The following FYN variants were observed in gnomAD, a reference collection of about 807,000 sequenced individuals.
FYN encodes the protein tyrosine-protein kinase Fyn.
Under a neutral mutation model 70.2 loss-of-function variants are expected in FYN, and 10 were observed. The ratio of observed to expected loss-of-function variants is 0.14; its 90% confidence interval spans 0.09 to 0.24. The LOEUF (loss-of-function observed/expected upper bound fraction) is 0.24, where lower values mean the gene tolerates loss of function less well. Ranked by LOEUF, FYN falls within the 10% of genes least tolerant of loss-of-function variation. The pLI is 1.00. For missense variants in FYN, 319 were observed against 673.1 expected (o/e 0.47, Z 5.82); for synonymous variants, 236 against 248.6 (o/e 0.95, Z 0.48).
intron 3 of FYN, among the ~76,000 whole-genome samples, chr6:111,740,416 A>C (rs1801909731): frequency 6.6e-6 from 1 of 152,242 alleles, no homozygotes. Flanking sequence ...ACACAGCAGG[A>C]CATTAACAAT....
chr6:111,744,067 C>A (rs781025817), intron 3 of FYN, among the ~76,000 whole-genome samples: 1 of 152,238 alleles, frequency 6.6e-6, no homozygotes, highest in East Asian at 1.9e-4. Context: ...CTGCTCCCAA[C>A]TCTTGCCCTT....
intron 3 of FYN, among the ~76,000 whole-genome samples, chr6:111,775,400 A>G (rs986764574): frequency 6.6e-6 from 1 of 152,192 alleles, no homozygotes. Context: ...CGAAAATGAT[A>G]CTTTTCTTAG....
At position 111,694,923 on chromosome 6, in the gene FYN, T is replaced by C. The variant is rs1799508145; in HGVS notation, c.1043-219A>G. On this transcript the variant is annotated intron_variant, in intron 10 of 13. Transcript: ENST00000354650. The surrounding 1 kb of genome is among the most constrained non-coding windows in gnomAD (Gnocchi z 5.0). ...TTAAAAACAAACAGCATTAATTCCA[T>C]TTCTAGGAATAACAACATATATTTG... is the stretch of plus-strand genomic sequence containing the variant. Among the ~76,000 whole-genome samples the C allele has an allele frequency of 6.6e-6, 1 of 152,220 alleles. No individual in the cohort carries two copies. Among genetic ancestry groups the C allele is most frequent in the Admixed American group, 6.5e-5 (1 of 15,282 alleles).
chr6:111,714,626 T>G, intron 4 of FYN, 183 bp from the exon 5 acceptor site: 1 of 585,374 alleles, frequency 1.7e-6, no homozygotes, highest in Non-Finnish European at 3.0e-6. Context: ...TGCCTTGGTC[T>G]TTGTAGGGGA....
chr6:111,768,588 A>C (rs914069351), intron 3 of FYN, among the ~76,000 whole-genome samples: 5 of 152,252 alleles, frequency 3.3e-5, no homozygotes, highest in African/African-American at 1.2e-4. Flanking sequence ...ATGGAGGGAC[A>C]GTGGGGCCTG....
intron 2 of FYN, among the ~76,000 whole-genome samples, chr6:111,806,032 A>G (rs190775924): frequency 2.6e-4 from 40 of 152,300 alleles, no homozygotes; most frequent in African/African-American, 7.5e-4. Context: ...GGAACGGGGA[A>G]GTGGGATGGG....
intron 1 of FYN, among the ~76,000 whole-genome samples, chr6:111,854,453 A>G (rs1247152345): frequency 3.9e-5 from 6 of 152,176 alleles, no homozygotes; most frequent in African/African-American, 7.2e-5. Flanking sequence ...CTCACCAGAC[A>G]CTAGATGTGC....
chr6:111,802,464 G>A (rs1005384552), intron 2 of FYN, among the ~76,000 whole-genome samples: 99 of 151,176 alleles, frequency 6.5e-4, no homozygotes, highest in African/African-American at 2.3e-3. Flanking sequence ...ACAGAGTCTC[G>A]CTCTATTGCC....
intron 9 of FYN, among the ~76,000 whole-genome samples, chr6:111,699,250 A>G (rs1583325110): frequency 6.6e-6 from 1 of 152,120 alleles, no homozygotes; most frequent in African/African-American, 2.4e-5. Context: ...ACAGTATCTT[A>G]CCTTCCCATT....
intron 2 of FYN, among the ~76,000 whole-genome samples, chr6:111,803,577 A>G (rs1772055815): frequency 6.6e-6 from 1 of 152,162 alleles, no homozygotes; most frequent in Non-Finnish European, 1.5e-5. Context: ...TACTGTTAGT[A>G]TCATGGAAGG....
intron 3 of FYN, among the ~76,000 whole-genome samples, chr6:111,772,311 G>A (rs1299330213): frequency 2.6e-5 from 4 of 152,182 alleles, no homozygotes; most frequent in Non-Finnish European, 5.9e-5. Flanking sequence ...TTCAGGAAGA[G>A]AAAGGAAAGA....
At chr6:111,829,229 A>G (rs925987472) in intron 2 of FYN, among the ~76,000 whole-genome samples, 1 of 152,210 alleles carries the variant, frequency 6.6e-6, no homozygotes, top group African/African-American at 2.4e-5. Flanking sequence ...CCTCTCATAG[A>G]GGAGAATCAG....
chr6:111,806,764 A>G (rs915073971), intron 2 of FYN, among the ~76,000 whole-genome samples: 1 of 152,148 alleles, frequency 6.6e-6, no homozygotes, highest in African/African-American at 2.4e-5. Flanking sequence ...GACTCAGTGG[A>G]ATGCACCTTC....
chr6:111,702,125 C>T (rs143352039), intron 8 of FYN, among the ~76,000 whole-genome samples: 1,721 of 152,086 alleles, frequency 0.011, 26 homozygotes, highest in African/African-American at 0.024. Flanking sequence ...ACATGTGCAC[C>T]TATATCTATA....
chr6:111,802,388 G>A (rs886508809), intron 2 of FYN, among the ~76,000 whole-genome samples: 3 of 152,008 alleles, frequency 2.0e-5, no homozygotes, highest in African/African-American at 7.3e-5. Flanking sequence ...GTGGAACTCT[G>A]AGCCAATTAA....
intron 4 of FYN, among the ~76,000 whole-genome samples, chr6:111,719,029 T>C (rs986221724): frequency 1.3e-5 from 2 of 152,156 alleles, no homozygotes; most frequent in Non-Finnish European, 2.9e-5. Context: ...AACTTTTATA[T>C]AAGACATCTG....
At chr6:111,737,863 T>C (rs1329904110) in intron 3 of FYN, among the ~76,000 whole-genome samples, 2 of 152,216 alleles carry the variant, frequency 1.3e-5, no homozygotes, top group Non-Finnish European at 2.9e-5. Flanking sequence ...TGACCAAATA[T>C]ACACTTCACA....
chr6:111,749,864 G>T (rs910310346), intron 3 of FYN, among the ~76,000 whole-genome samples: 6 of 151,922 alleles, frequency 3.9e-5, no homozygotes, highest in African/African-American at 1.5e-4. Context: ...GAAATGACAG[G>T]GATAAATGAC....
chr6:111,756,437 A>C (rs1802739900), intron 3 of FYN, among the ~76,000 whole-genome samples: 1 of 151,952 alleles, frequency 6.6e-6, no homozygotes, highest in Admixed American at 6.6e-5. Context: ...TCTGTGTTTT[A>C]GATCAAAACC....
Sources: gnomAD v4.1 joint callset for allele counts (sites outside exome capture counted in the v4.1 genomes callset) on GRCh38, gnomAD v4.1.1 for gene constraint, Gnocchi (gnomAD v3.1) non-coding constraint, MANE v1.5 for transcripts, NCBI Gene and HGNC (gene_info 2026-07-23, HGNC 2026-07-21) for gene names.